THRB: variants seen among roughly 807,000 people sequenced by gnomAD.
THRB encodes the protein thyroid hormone receptor beta.
Under a neutral mutation model 47.8 loss-of-function variants are expected in THRB, and 12 were observed. That is an observed-to-expected ratio of 0.25 (90% confidence interval 0.16 to 0.41). THRB has a LOEUF of 0.41. Ranked by LOEUF, THRB falls within the 10% of genes least tolerant of loss-of-function variation. THRB has a pLI of 1.00. For missense variants in THRB, 348 were observed against 589.2 expected, an observed-to-expected ratio of 0.59 and a Z score of 4.24; for synonymous variants, 218 against 212.2, an observed-to-expected ratio of 1.03 and a Z score of -0.24.
At chr3:24,150,146 G>A (rs949976912) in intron 6 of THRB, among the ~76,000 whole-genome samples, 2 of 152,096 alleles carry the variant, frequency 1.3e-5, no homozygotes, top group African/African-American at 4.8e-5. Flanking sequence ...GTAAAAACTT[G>A]GATATCACAA....
At chr3:24,275,048 G>A (rs142902815) in intron 3 of THRB, among the ~76,000 whole-genome samples, 13 of 152,274 alleles carry the variant, frequency 8.5e-5, no homozygotes, top group African/African-American at 3.1e-4. Flanking sequence ...AAAGAAGCAA[G>A]TAAGCTTAGT....
rs555943460 is a variant in THRB, at chr3:24,210,969, C to T, written c.22+17969G>A. On this transcript the variant is annotated intron_variant, in intron 4 of 10. Transcript: ENST00000646209. ...ATGCTAGCACTTTGGGAGGCTGAAGCGGGTGGAATACCTGAGGTCAGGAGT... is the reference window on the plus strand; with the variant it reads ...ATGCTAGCACTTTGGGAGGCTGAAGTGGGTGGAATACCTGAGGTCAGGAGT... Among the ~76,000 whole-genome samples, 8 of 151,914 alleles carry T rather than the reference C, an allele frequency of 5.3e-5. No individual in the cohort carries two copies. The East Asian group carries it at 1.4e-3, about 26-fold the overall frequency.
intron 1 of THRB, among the ~76,000 whole-genome samples, chr3:24,419,685 T>C (rs1198575671): frequency 6.6e-6 from 1 of 151,958 alleles, no homozygotes; most frequent in Non-Finnish European, 1.5e-5. Context: ...TGCATAGTCC[T>C]TTGTCCAGTA....
intron 1 of THRB, among the ~76,000 whole-genome samples, chr3:24,337,856 G>C (rs1305857928): frequency 6.6e-6 from 1 of 152,144 alleles, no homozygotes; most frequent in Non-Finnish European, 1.5e-5. Flanking sequence ...GAAGCGATGG[G>C]TTCCTCATCA....
chr3:24,337,426 A>T (rs938529168), intron 1 of THRB, 55 bp from the exon 2 acceptor site: 1 of 152,248 alleles, frequency 6.6e-6, no homozygotes, highest in African/African-American at 2.4e-5. Flanking sequence ...AAAGTTTCCC[A>T]ACATTCGATT....
intron 1 of THRB, among the ~76,000 whole-genome samples, chr3:24,466,310 T>G (rs1012337739): frequency 8.5e-5 from 13 of 152,202 alleles, no homozygotes; most frequent in Non-Finnish European, 1.9e-4. Context: ...TGGGAGATTT[T>G]TCTCAATTTT....
chr3:24,230,799 C>G (rs1466120), intron 3 of THRB, among the ~76,000 whole-genome samples: 102,476 of 152,068 alleles, frequency 0.67, 35,976 homozygotes, highest in African/African-American at 0.88. Flanking sequence ...AAGACTTGAG[C>G]TGGACTAGTA....
At position 24,123,778 on chromosome 3, in the gene THRB, C is replaced by A. The variant is rs141911238; in HGVS notation, c.1145-653G>T. Among the ~76,000 whole-genome samples the A allele has an allele frequency of 4.6e-5, 7 of 152,226 alleles. No homozygotes were observed. In the East Asian group the frequency reaches 7.7e-4, roughly 17 times the overall value. On this transcript the variant is annotated intron_variant, in intron 10 of 10. Transcript: ENST00000646209. ...GGGGAGGGGAGCTGTGCCAGAGTCA[C>A]CCCATGCAGAGAAGAGAACAGCTAT...
In THRB at chr3:24,299,766, C is replaced by CTTTTTTTTTTTTTTTTTTTTTTTTTTTT. The variant is rs1360367092; in HGVS notation, c.-188-2396_-188-2395insAAAAAAAAAAAAAAAAAAAAAAAAAAAA. The stretch of plus-strand genomic sequence containing the variant: ...GCCTTGAGGCTTCTGGGGAAGTATG[C>CTTTTTTTTTTTTTTTTTTTTTTTTTTTT]TTTTTTATTTATTTATTTATTTATT... On this transcript the variant is annotated intron_variant, in intron 2 of 10. Transcript: ENST00000646209. Among the ~76,000 whole-genome samples, 3 of 58,578 alleles carry CTTTTTTTTTTTTTTTTTTTTTTTTTTTT rather than the reference C, an allele frequency of 5.1e-5. 1 individual carries two copies. The highest frequency in any genetic ancestry group is 4.7e-4 in the Admixed American group (2 of 4,238). 38.4% of individuals were successfully genotyped at this position (58,578 alleles called of 152,430 possible). A position where few individuals can be genotyped will look rare whatever the true frequency, so the allele number is the denominator to read the frequency against.
At chr3:24,254,199 T>TAAAAAAAA (rs57275069) in intron 3 of THRB, among the ~76,000 whole-genome samples, 2 of 34,618 alleles carry the variant, frequency 5.8e-5, no homozygotes, top group Non-Finnish European at 1.1e-4. Flanking sequence ...CTGTCTCTAC[T>TAAAAAAAA]AAAAAAAAAA....
At chr3:24,315,042 G>C (rs571081628) in intron 2 of THRB, among the ~76,000 whole-genome samples, 1 of 152,276 alleles carries the variant, frequency 6.6e-6, no homozygotes, top group East Asian at 1.9e-4. Context: ...TATTTTCTTT[G>C]TCTTTTAATT....
chr3:24,335,182 A>C (rs1001981848), intron 2 of THRB, among the ~76,000 whole-genome samples: 2 of 152,102 alleles, frequency 1.3e-5, no homozygotes, highest in African/African-American at 2.4e-5. Context: ...GGAGCTACAC[A>C]CTGGGAGGGC....
intron 3 of THRB, among the ~76,000 whole-genome samples, chr3:24,292,696 G>A (rs2056053834): frequency 6.6e-6 from 1 of 152,196 alleles, no homozygotes; most frequent in South Asian, 2.1e-4. Context: ...AAAGAAGTCA[G>A]TGGTCTCATT....
intron 5 of THRB, among the ~76,000 whole-genome samples, chr3:24,166,327 G>A (rs1189591576): frequency 6.6e-6 from 1 of 152,088 alleles, no homozygotes; most frequent in Non-Finnish European, 1.5e-5. Context: ...TTTTCTGTTG[G>A]TGCTTAACAG....
At chr3:24,163,382 C>A (rs1289229652) in intron 5 of THRB, among the ~76,000 whole-genome samples, 1 of 152,032 alleles carries the variant, frequency 6.6e-6, no homozygotes, top group African/African-American at 2.4e-5. Flanking sequence ...TAATAAAGAA[C>A]CCCTGGTTTA....
At chr3:24,464,390 A>G (rs2073965813) in intron 1 of THRB, among the ~76,000 whole-genome samples, 1 of 152,202 alleles carries the variant, frequency 6.6e-6, no homozygotes, top group Non-Finnish European at 1.5e-5. Flanking sequence ...CAGTCTTTCT[A>G]AGATCTTGAC....
At chr3:24,275,993 G>C (rs766618924) in intron 3 of THRB, among the ~76,000 whole-genome samples, 4 of 151,772 alleles carry the variant, frequency 2.6e-5, no homozygotes, top group Non-Finnish European at 5.9e-5. Context: ...AATGTCCAGG[G>C]ACTGCAAGAG....
chr3:24,129,078 T>C (rs1229222963), intron 9 of THRB, among the ~76,000 whole-genome samples: 1 of 152,194 alleles, frequency 6.6e-6, no homozygotes, highest in Non-Finnish European at 1.5e-5. Flanking sequence ...ATTTTATGTT[T>C]TTTACTAGCT....
chr3:24,359,898 C>T (rs780924777), intron 1 of THRB, among the ~76,000 whole-genome samples: 1 of 151,428 alleles, frequency 6.6e-6, no homozygotes, highest in Non-Finnish European at 1.5e-5. Context: ...CAAATTTGTC[C>T]GTTTAAAAAA....
Sources: allele counts gnomAD v4.1 joint callset (sites outside exome capture counted in the v4.1 genomes callset), GRCh38; gene constraint gnomAD v4.1.1; transcripts MANE v1.5; gene names NCBI Gene and HGNC (gene_info 2026-07-23, HGNC 2026-07-21).